Variants in ACOT12 observed in about 807,000 individuals in gnomAD.
The protein encoded by ACOT12 is acyl-CoA thioesterase 12.
A neutral mutation model predicts 67.7 loss-of-function variants in ACOT12; 51 were observed. The observed-to-expected ratio is 0.75, with a 90% CI of 0.60 to 0.95. ACOT12 has a LOEUF of 0.95. Ranked by LOEUF, ACOT12 falls within the 40% of genes least tolerant of loss-of-function variation. ACOT12 has a pLI of 0.00. For synonymous variants in ACOT12, 251 were observed against 244.6 expected (o/e 1.03, Z -0.24); for missense variants, 734 against 708.1 (o/e 1.04, Z -0.41).
intron 4 of ACOT12, among the ~76,000 whole-genome samples, chr5:81,362,057 C>T (rs1192215399): frequency 6.6e-6 from 1 of 152,100 alleles, no homozygotes; most frequent in African/African-American, 2.4e-5. Flanking sequence ...TTAAGGTTAT[C>T]TGAACCAACC....
intron 5 of ACOT12, among the ~76,000 whole-genome samples, chr5:81,359,474 A>G (rs1759833761): frequency 6.6e-6 from 1 of 152,186 alleles, no homozygotes; most frequent in South Asian, 2.1e-4. Context: ...TATGATCTTT[A>G]GCAAATTTCT....
In ACOT12 at chr5:81,344,197, G is replaced by T; in HGVS notation, c.943C>A (p.Arg315=). The T allele has an allele frequency of 1.2e-6, 2 of 1,613,550 alleles. No homozygotes were observed. The highest frequency in any genetic ancestry group is 2.2e-5 in the South Asian group (2 of 90,908). The part of the protein sequence containing the change: ...PISKDDFRRY[R]GAIARKRIRL... ...ATTCGCTTGCGTGCAATAGCTCCCC[G>T]ATAGCGTCTGAAATCATCCTTTAAT... The change falls in exon 9 of 15, where the codon CGG becomes AGG. Residue 315 remains arginine (R), a synonymous_variant. Coordinates refer to ENST00000307624, the MANE Select transcript of ACOT12 (RefSeq NM_130767.3).
chr5:81,311,803 G>A, the ACOT12 span, among the ~76,000 whole-genome samples: 3 of 152,122 alleles, frequency 2.0e-5, no homozygotes, highest in Non-Finnish European at 4.4e-5. Flanking sequence ...CTTCAGAGAT[G>A]TTCACTCTAC....
At chr5:81,326,816 C>T (rs1044385045), downstream of ACOT12, among the ~76,000 whole-genome samples, 1 of 152,170 alleles carries the variant, frequency 6.6e-6, no homozygotes, top group Non-Finnish European at 1.5e-5. Flanking sequence ...AATTGGTAGA[C>T]AGATTAGTCC....
intron 5 of ACOT12, among the ~76,000 whole-genome samples, chr5:81,356,721 C>G (rs983476115): frequency 2.6e-5 from 4 of 152,034 alleles, no homozygotes; most frequent in African/African-American, 9.7e-5. Context: ...TATGCTCCTT[C>G]TTCCTCGCCC....
In ACOT12 at chr5:81,345,093, CCCTCCTTGCACACCGCTGCCA is replaced by C. The variant is rs201196619; in HGVS notation, c.774-73_774-53del. 2,046 of 1,599,730 alleles carry C rather than the reference CCCTCCTTGCACACCGCTGCCA, an allele frequency of 1.3e-3. 15 individuals carry two copies. The African/African-American group carries it at 0.019, about 15-fold the overall frequency. ...GCAAAGAGGATCTTGACCCATCAGG[CCCTCCTTGCACACCGCTGCCA>C]CCTCCTCGCCCACCGCTGCCACCTC... On this transcript the variant is annotated intron_variant, in intron 7 of 14. Coordinates refer to ENST00000307624, the MANE Select transcript of ACOT12 (RefSeq NM_130767.3).
At chr5:81,316,569 T>C in the ACOT12 span, among the ~76,000 whole-genome samples, 5 of 152,348 alleles carry the variant, frequency 3.3e-5, no homozygotes, top group Non-Finnish European at 5.9e-5. Context: ...TGAACATTTG[T>C]GTATAATCTT....
chr5:81,324,469 G>C, the ACOT12 span, among the ~76,000 whole-genome samples: 1 of 152,156 alleles, frequency 6.6e-6, no homozygotes, highest in Non-Finnish European at 1.5e-5. Flanking sequence ...TACCAAATAA[G>C]TACTTAAGTA....
chr5:81,343,478 G>A (rs190227626), intron 10 of ACOT12, among the ~76,000 whole-genome samples: 13 of 152,234 alleles, frequency 8.5e-5, no homozygotes, highest in Admixed American at 6.5e-4. Context: ...ATATTCAAAT[G>A]ACTACTACTT....
At chr5:81,343,263 G>A (rs1222891978) in intron 10 of ACOT12, among the ~76,000 whole-genome samples, 1 of 150,576 alleles carries the variant, frequency 6.6e-6, no homozygotes, top group Non-Finnish European at 1.5e-5. Context: ...AAAGTAAAAA[G>A]AACTAAGCTA....
intron 12 of ACOT12, among the ~76,000 whole-genome samples, chr5:81,334,341 C>A (rs922063735): frequency 2.0e-5 from 3 of 152,154 alleles, no homozygotes; most frequent in Non-Finnish European, 4.4e-5. Flanking sequence ...TAACACACAC[C>A]CACCGGGGCT....
At chr5:81,366,308 G>A (rs955858914) in intron 3 of ACOT12, among the ~76,000 whole-genome samples, 11 of 152,086 alleles carry the variant, frequency 7.2e-5, no homozygotes, top group African/African-American at 2.7e-4. Context: ...ACAATGTTCA[G>A]CATCGAGTAA....
intron 3 of ACOT12, among the ~76,000 whole-genome samples, chr5:81,365,540 C>T (rs923150871): frequency 5.3e-5 from 8 of 152,168 alleles, no homozygotes; most frequent in Admixed American, 4.6e-4. Flanking sequence ...ACACTGTCTT[C>T]TACTAGAAGA....
the ACOT12 span, chr5:81,311,312 G>T: frequency 2.1e-5 from 33 of 1,601,192 alleles, no homozygotes; most frequent in South Asian, 3.3e-4. Flanking sequence ...TAGAAGGGGT[G>T]AGATTAGTAT....
rs114362677 is a variant in ACOT12 at position 81,380,061 on chromosome 5, T to G, written c.197+5696A>C. Among the ~76,000 whole-genome samples the G allele has an allele frequency of 2.4e-3, 367 of 152,312 alleles. 2 individuals are homozygous for G. The highest frequency in any genetic ancestry group is 8.5e-3 in the African/African-American group (353 of 41,560). ...TGGAGGTAAAGAGTTTAATAATACA[T>G]ACATATGTATATTTATTTAAGCAAT... On this transcript the variant is annotated intron_variant, in intron 2 of 14. Transcript: ENST00000307624.
intron 7 of ACOT12, among the ~76,000 whole-genome samples, chr5:81,345,273 CCACT>C (rs1759345497): frequency 6.6e-6 from 1 of 152,150 alleles, no homozygotes; most frequent in Non-Finnish European, 1.5e-5. Context: ...TTTTACTTCC[CCACT>C]TTCAAGTGGG....
At chr5:81,356,966 C>A (rs1392183554) in intron 5 of ACOT12, among the ~76,000 whole-genome samples, 1 of 151,968 alleles carries the variant, frequency 6.6e-6, no homozygotes, top group Admixed American at 6.6e-5. Flanking sequence ...AAAGGCCAAG[C>A]CTCTCGACAT....
chr5:81,355,787 G>A (rs1759693618), intron 5 of ACOT12, among the ~76,000 whole-genome samples: 1 of 152,166 alleles, frequency 6.6e-6, no homozygotes, highest in Admixed American at 6.5e-5. Flanking sequence ...CTTCCTGTGG[G>A]GCTGGGTCCA....
intron 2 of ACOT12, among the ~76,000 whole-genome samples, chr5:81,376,216 G>A (rs1393977381): frequency 1.3e-5 from 2 of 151,954 alleles, no homozygotes; most frequent in Non-Finnish European, 2.9e-5. Flanking sequence ...CATGGAAACT[G>A]AACAACCTGC....
Sources: allele counts gnomAD v4.1 joint callset (sites outside exome capture counted in the v4.1 genomes callset), GRCh38; gene constraint gnomAD v4.1.1; transcripts MANE v1.5; gene names NCBI Gene and HGNC (gene_info 2026-07-23, HGNC 2026-07-21).